The following ATP10B variants were observed in gnomAD, a reference collection of about 807,000 sequenced individuals.
ATP10B encodes phospholipid-transporting ATPase VB.
ATP10B carries 122 observed loss-of-function variants against 141.2 expected under a neutral mutation model. The observed-to-expected ratio is 0.86, with a 90% CI of 0.75 to 1.00. The LOEUF is 1.00. Among genes scored for constraint, ATP10B ranks in the 50% least tolerant of loss-of-function variants. The pLI is 0.00. For synonymous variants in ATP10B, 685 were observed against 692.0 expected, an observed-to-expected ratio of 0.99 and a Z score of 0.16; for missense variants, 1,876 against 1,825.3, an observed-to-expected ratio of 1.03 and a Z score of -0.51.
At chr5:160,821,772 G>A (rs1353696710) in intron 1 of ATP10B, among the ~76,000 whole-genome samples, 2 of 151,868 alleles carry the variant, frequency 1.3e-5, no homozygotes, top group Admixed American at 6.6e-5. Flanking sequence ...GAGCAGTCTC[G>A]TTAATAAATG....
At chr5:160,768,094 T>C (rs1408148801) in intron 2 of ATP10B, among the ~76,000 whole-genome samples, 1 of 152,128 alleles carries the variant, frequency 6.6e-6, no homozygotes, top group Non-Finnish European at 1.5e-5. Context: ...TTTCCTCCAG[T>C]CAGGCCAACC....
At chr5:160,759,567 T>G (rs558982556) in intron 2 of ATP10B, among the ~76,000 whole-genome samples, 55 of 152,342 alleles carry the variant, frequency 3.6e-4, no homozygotes, top group African/African-American at 1.3e-3. Context: ...AGTGAATAGC[T>G]GAGGCCTTTC....
At chr5:160,864,751 A>T in the ATP10B span, among the ~76,000 whole-genome samples, 43 of 152,056 alleles carry the variant, frequency 2.8e-4, no homozygotes, top group African/African-American at 1.0e-3. Context: ...AGTTTACACA[A>T]ATCAGTAACT....
At chr5:160,595,763 C>A (rs1255495886) in intron 22 of ATP10B, among the ~76,000 whole-genome samples, 1 of 87,064 alleles carries the variant, frequency 1.1e-5, no homozygotes, top group Admixed American at 1.1e-4. Flanking sequence ...ACTACAAACA[C>A]CTCTATGCAA....
intron 6 of ATP10B, among the ~76,000 whole-genome samples, chr5:160,679,207 C>T (rs1389938044): frequency 6.6e-6 from 1 of 152,184 alleles, no homozygotes; most frequent in African/African-American, 2.4e-5. Flanking sequence ...AAACAGGTTG[C>T]AGGCCAGGCC....
At chr5:160,879,103 A>T in the ATP10B span, among the ~76,000 whole-genome samples, 1 of 62,640 alleles carries the variant, frequency 1.6e-5, no homozygotes, top group Non-Finnish European at 3.2e-5. Flanking sequence ...TTATTGTGGC[A>T]TTATTCACAA....
chr5:160,874,419 C>T, the ATP10B span, among the ~76,000 whole-genome samples: 1 of 152,108 alleles, frequency 6.6e-6, no homozygotes, highest in African/African-American at 2.4e-5. Flanking sequence ...GTAGATAAAA[C>T]CACAAAGATG....
chr5:160,584,917 C>T (rs1280355300), intron 24 of ATP10B, among the ~76,000 whole-genome samples: 1 of 152,154 alleles, frequency 6.6e-6, no homozygotes, highest in Non-Finnish European at 1.5e-5. Context: ...ATTGTTTGGT[C>T]ACCAGCATAG....
the ATP10B span, among the ~76,000 whole-genome samples, chr5:160,899,421 A>C: frequency 6.6e-6 from 1 of 152,128 alleles, no homozygotes; most frequent in Non-Finnish European, 1.5e-5. Flanking sequence ...GGAACTAAAA[A>C]GGGGTATGAG....
chr5:160,808,794 G>T (rs1432394916), intron 1 of ATP10B, among the ~76,000 whole-genome samples: 1 of 152,142 alleles, frequency 6.6e-6, no homozygotes, highest in Non-Finnish European at 1.5e-5. Context: ...TTCTAGGGCT[G>T]CCATAACAAA....
intron 2 of ATP10B, among the ~76,000 whole-genome samples, chr5:160,742,157 A>G (rs1303429145): frequency 6.6e-6 from 1 of 152,206 alleles, no homozygotes; most frequent in Non-Finnish European, 1.5e-5. Flanking sequence ...GCTAGCTAGC[A>G]TGGGACCATC....
At chr5:160,575,450 A>G (rs138544903) in intron 24 of ATP10B, among the ~76,000 whole-genome samples, 1 of 152,224 alleles carries the variant, frequency 6.6e-6, no homozygotes, top group Non-Finnish European at 1.5e-5. Context: ...AGAAAGAATA[A>G]TGCTCATTTT....
intron 1 of ATP10B, among the ~76,000 whole-genome samples, chr5:160,815,630 G>A (rs1166636238): frequency 6.6e-6 from 1 of 152,042 alleles, no homozygotes; most frequent in African/African-American, 2.4e-5. Flanking sequence ...ACAAGGATAT[G>A]GAGGAATTGA....
chr5:160,673,074 G>T (rs1246216377), intron 6 of ATP10B, among the ~76,000 whole-genome samples: 1 of 152,192 alleles, frequency 6.6e-6, no homozygotes, highest in East Asian at 1.9e-4. Context: ...GTGCTCTGTG[G>T]CTCTGGGAGC....
At chr5:160,859,908 A>C in the ATP10B span, among the ~76,000 whole-genome samples, 2 of 151,980 alleles carry the variant, frequency 1.3e-5, no homozygotes, top group Non-Finnish European at 2.9e-5. Flanking sequence ...ACACAGTGAT[A>C]GTATCTAAGG....
At chr5:160,760,462 G>A (rs11135117) in intron 2 of ATP10B, among the ~76,000 whole-genome samples, 48,033 of 152,034 alleles carry the variant, frequency 0.32, 7,932 homozygotes, top group Non-Finnish European at 0.36. Flanking sequence ...AAAGTTCCCC[G>A]TTCTTTTGGA....
intron 1 of ATP10B, among the ~76,000 whole-genome samples, chr5:160,787,639 T>C (rs1428963106): frequency 6.6e-6 from 1 of 152,204 alleles, no homozygotes; most frequent in East Asian, 1.9e-4. Flanking sequence ...ATAAATGCTC[T>C]TGTGAAAGTA....
chr5:160,644,601 A>C (rs1208314462), intron 8 of ATP10B, among the ~76,000 whole-genome samples: 3 of 152,170 alleles, frequency 2.0e-5, no homozygotes, highest in Non-Finnish European at 4.4e-5. Context: ...AAACCCACCA[A>C]AACCAAGATG....
chr5:160,735,463 A>G (rs1469083592), intron 2 of ATP10B, among the ~76,000 whole-genome samples: 5 of 152,114 alleles, frequency 3.3e-5, no homozygotes, highest in Non-Finnish European at 7.4e-5. Flanking sequence ...GTAAATCTAC[A>G]TGCACCCAAC....
Sources: allele counts gnomAD v4.1 joint callset (sites outside exome capture counted in the v4.1 genomes callset), GRCh38; gene constraint gnomAD v4.1.1; transcripts MANE v1.5; gene names NCBI Gene and HGNC (gene_info 2026-07-23, HGNC 2026-07-21).